COL4A4: variants seen among roughly 807,000 people sequenced by gnomAD.
COL4A4 encodes collagen alpha-4(IV) chain.
In COL4A4, 105 loss-of-function variants were observed where a neutral mutation model predicts 192.9. That is an observed-to-expected ratio of 0.54 (90% CI 0.46 to 0.64). COL4A4 has a LOEUF of 0.64. Ranked by LOEUF, COL4A4 falls within the 30% of genes least tolerant of loss-of-function variation. COL4A4 has a pLI of 0.00. For missense variants in COL4A4, 1,967 were observed against 2,169.3 expected, an observed-to-expected ratio of 0.91 and a Z score of 1.85; for synonymous variants, 762 against 769.9, an observed-to-expected ratio of 0.99 and a Z score of 0.17.
downstream of COL4A4, among the ~76,000 whole-genome samples, chr2:227,001,100 CTTTTTTTTTTTT>C (rs1960851159): frequency 6.9e-6 from 1 of 144,310 alleles, no homozygotes; most frequent in Non-Finnish European, 1.5e-5. Context: ...TTTCTTTTTT[CTTTTTTTTTTTT>C]GAGACAGAGT....
the COL4A4 span, among the ~76,000 whole-genome samples, chr2:226,972,720 A>T: frequency 6.6e-6 from 1 of 152,218 alleles, no homozygotes; most frequent in African/African-American, 2.4e-5. Context: ...AACGGCACAG[A>T]CTGGTCTCTC....
At chr2:227,032,893 G>A (rs1271513159) in intron 38 of COL4A4, among the ~76,000 whole-genome samples, 2 of 152,130 alleles carry the variant, frequency 1.3e-5, no homozygotes, top group African/African-American at 2.4e-5. Flanking sequence ...AGAAAGTAAC[G>A]CAACAAATGT....
Position 227,098,763 on chromosome 2 carries a change from CA to C in COL4A4, c.1134del (p.Tyr378Ter). 6.2e-7 allele frequency: 1 copy of C among 1,614,068 alleles called. No homozygotes were observed. The highest frequency in any genetic ancestry group is 8.5e-7 in the Non-Finnish European group (1 of 1,179,994). ...PPGDPGFPGR[Y>X]GETGDVGPPG... The stretch of plus-strand genomic sequence containing the variant: ...GGTGGTCCAACATCCCCTGTTTCTC[CA>C]TAGCGGCCAGGGAACCCTGGGTCCC... On this transcript the variant is annotated frameshift_variant, in exon 19 of 48. Coordinates refer to ENST00000396625, the MANE Select transcript of COL4A4 (RefSeq NM_000092.5). LOFTEE classifies it high-confidence loss of function.
At chr2:227,065,185 T>A (rs571757105) in intron 25 of COL4A4, among the ~76,000 whole-genome samples, 144 of 152,276 alleles carry the variant, frequency 9.5e-4, no homozygotes, top group South Asian at 3.3e-3. Context: ...CCGACGGGCT[T>A]AAAAAACGGC....
chr2:227,068,204 T>G (rs201221941), intron 25 of COL4A4, among the ~76,000 whole-genome samples: 36,519 of 149,590 alleles, frequency 0.24, 5,414 homozygotes, highest in South Asian at 0.37. Flanking sequence ...AATAACAGGA[T>G]CTGAAATTGT....
At chr2:227,007,659 C>T in intron 47 of COL4A4, 71 bp from the exon 48 acceptor site, 1 of 1,593,676 alleles carries the variant, frequency 6.3e-7, no homozygotes, top group Admixed American at 1.7e-5. Context: ...CAGGGACACA[C>T]CCAGGTTTGG....
chr2:227,008,202 C>CAGTA lies in COL4A4; in HGVS notation c.4621_4624dup (p.Trp1542LeufsTer16), dbSNP rs1559396675. On this transcript the variant is annotated frameshift_variant, in exon 47 of 48. Transcript: ENST00000396625. LOFTEE classifies it high-confidence loss of function. ...GGGGAGGGGCGCAGCGCTGGCCAGC[C>CAGTA]AGTAGGATCTGTCGTTTCTCTGGGC... The CAGTA allele has an allele frequency of 6.2e-7, 1 of 1,614,164 alleles. No individual in the cohort carries two copies. The highest frequency in any genetic ancestry group is 8.5e-7 in the Non-Finnish European group (1 of 1,180,028).
At chr2:227,055,279 CA>C (rs1312433213) in intron 30 of COL4A4, among the ~76,000 whole-genome samples, 2 of 151,476 alleles carry the variant, frequency 1.3e-5, no homozygotes, top group Non-Finnish European at 2.9e-5. Context: ...CTAGGGAGAC[CA>C]AGGCAGGAGG....
chr2:227,091,247 C>CAGATATAGATATAGATATAGATAT (rs58703873), intron 20 of COL4A4, among the ~76,000 whole-genome samples: 30 of 142,328 alleles, frequency 2.1e-4, no homozygotes, highest in Non-Finnish European at 2.7e-4. Flanking sequence ...AATTGAAAAA[C>CAGATATAGATATAGATATAGATAT]AGATATAGAT....
chr2:227,059,532 C>G lies in COL4A4; in HGVS notation c.2256G>C (p.Val752=), dbSNP rs759384051. Residue 752 remains valine (V), a synonymous_variant, in exon 28 of 48, where the codon GTG becomes GTC. Transcript: ENST00000396625. The part of the protein sequence containing the change: ...GPPGPPGSPG[V]NGQKGIPGDP... ...CTCCCGGGATTCCTTTCTGACCATT[C>G]ACTCCTGGTGAGCCGGGAGGGCCTG... 2 of 1,614,172 alleles carry G rather than the reference C, an allele frequency of 1.2e-6. No individual in the cohort carries two copies. Among genetic ancestry groups the G allele is most frequent in the Admixed American group, 1.7e-5 (1 of 60,032 alleles).
At chr2:227,153,903 C>G (rs1018894402) in intron 1 of COL4A4, among the ~76,000 whole-genome samples, 8 of 152,168 alleles carry the variant, frequency 5.3e-5, no homozygotes. Flanking sequence ...TAAAGTCTTA[C>G]GTCAATTTAC....
At chr2:227,050,256 G>A (rs1422864125) in intron 33 of COL4A4, 125 bp from the exon 34 acceptor site, 5 of 820,746 alleles carry the variant, frequency 6.1e-6, no homozygotes, top group African/African-American at 5.0e-5. Flanking sequence ...GGTAACGAAA[G>A]TTTAAATGCA....
chr2:226,985,026 C>T, the COL4A4 span, among the ~76,000 whole-genome samples: 5 of 152,208 alleles, frequency 3.3e-5, no homozygotes, highest in Middle Eastern at 3.4e-3. Flanking sequence ...ACCAGTACCA[C>T]CTGATTAGGC....
chr2:227,017,027 G>GC (rs1253856013), intron 44 of COL4A4, among the ~76,000 whole-genome samples: 1 of 152,102 alleles, frequency 6.6e-6, no homozygotes, highest in African/African-American at 2.4e-5. Context: ...GGAACATGGG[G>GC]CCCCAACAGT....
intron 1 of COL4A4, among the ~76,000 whole-genome samples, chr2:227,152,494 C>T (rs2064019502): frequency 6.6e-6 from 1 of 152,166 alleles, no homozygotes; most frequent in Admixed American, 6.5e-5. Context: ...CACTGTTTCA[C>T]CAGAAGCAGG....
intron 37 of COL4A4, among the ~76,000 whole-genome samples, chr2:227,041,900 AAGAAAG>A (rs1971488945): frequency 1.3e-5 from 2 of 150,236 alleles, no homozygotes; most frequent in Admixed American, 6.6e-5. Context: ...GAAAGAAAGA[AAGAAAG>A]AAAGAAAGAA....
chr2:227,059,546 C>T lies in COL4A4; in HGVS notation c.2242G>A (p.Gly748Ser), dbSNP rs762139460. The change falls in exon 28 of 48, where the codon GGC (glycine) becomes AGC (serine). Residue 748 changes from glycine (G) to serine (S), a missense_variant. Physicochemically the swap from Gly to Ser is moderately conservative, Grantham distance 56. Coordinates refer to ENST00000396625, the MANE Select transcript of COL4A4 (RefSeq NM_000092.5). ...TTCTGACCATTCACTCCTGGTGAGC[C>T]GGGAGGGCCTGGGGGCCCAACAGGG... ...SSPVGPPGPP[G>S]SPGVNGQKGI... is the part of the protein sequence containing the mutation. The T allele has an allele frequency of 2.0e-5, 33 of 1,613,958 alleles. No individual in the cohort carries two copies. The highest frequency in any genetic ancestry group is 4.4e-5 in the South Asian group (4 of 91,080).
intron 44 of COL4A4, among the ~76,000 whole-genome samples, chr2:227,013,578 G>T (rs924739708): frequency 1.3e-5 from 2 of 152,184 alleles, no homozygotes; most frequent in Non-Finnish European, 2.9e-5. Flanking sequence ...GGTGGCATCC[G>T]CAAGCCACGG....
chr2:227,128,014 G>A (rs908665452), intron 4 of COL4A4, among the ~76,000 whole-genome samples: 5 of 152,158 alleles, frequency 3.3e-5, no homozygotes, highest in African/African-American at 7.2e-5. Context: ...ATTAGGCTTG[G>A]TTATGGATTA....
Sources: gnomAD v4.1 joint callset for allele counts (sites outside exome capture counted in the v4.1 genomes callset) on GRCh38, gnomAD v4.1.1 for gene constraint, MANE v1.5 for transcripts, NCBI Gene and HGNC (gene_info 2026-07-23, HGNC 2026-07-21) for gene names.